The following KANSL1 variants were observed in gnomAD, a reference collection of about 807,000 sequenced individuals.
KANSL1 encodes KAT8 regulatory NSL complex subunit 1, also known as MLL1/MLL complex subunit KANSL1.
In KANSL1, 22 loss-of-function variants were observed where a neutral mutation model predicts 103.6. The ratio of observed to expected loss-of-function variants is 0.21; its 90% confidence interval spans 0.15 to 0.30. The LOEUF (loss-of-function observed/expected upper bound fraction) is 0.30, where lower values mean the gene tolerates loss of function less well. KANSL1 is among the 10% of genes least tolerant of loss of function. The pLI is 1.00. For synonymous variants in KANSL1, 600 were observed against 527.6 expected (o/e 1.14, Z -1.88); for missense variants, 1,337 against 1,399.8 (o/e 0.96, Z 0.72).
At chr17:46,183,194 G>A (rs1206242940) in intron 1 of KANSL1, among the ~76,000 whole-genome samples, 4 of 152,220 alleles carry the variant, frequency 2.6e-5, no homozygotes, top group African/African-American at 9.7e-5. Flanking sequence ...TCAGGAGGCA[G>A]GAGGATGGCT....
rs1369518617 is a variant in KANSL1, at chr17:46,031,245, TTC to T, written c.*229_*230del. 6.8e-6 allele frequency: 4 copies of T among 590,080 alleles called. No individual in the cohort carries two copies. Among genetic ancestry groups the T allele is most frequent in the East Asian group, 2.8e-5 (1 of 35,784 alleles). 36.6% of individuals were successfully genotyped at this position (590,080 alleles called of 1,614,324 possible). A position where few individuals can be genotyped will look rare whatever the true frequency, so the allele number is the denominator to read the frequency against. ...AGGCCAGCAGGGTCTCATCCTGAACTTCTGTTTGCCAACGGGAGGAAGTGCTC... is the reference window on the plus strand; with the variant it reads ...AGGCCAGCAGGGTCTCATCCTGAACTTGTTTGCCAACGGGAGGAAGTGCTC... On this transcript the variant is annotated 3_prime_UTR_variant, in exon 15 of 15. Coordinates refer to ENST00000432791, the MANE Select transcript of KANSL1 (RefSeq NM_015443.4).
At chr17:46,185,678 TACACACACATATATACACACACAC>T (rs2046988985) in intron 1 of KANSL1, among the ~76,000 whole-genome samples, 1 of 137,844 alleles carries the variant, frequency 7.3e-6, no homozygotes, top group African/African-American at 2.9e-5. Context: ...CACATATATA[TACACACACATATATACACACACAC>T]ACACACACAC....
upstream of KANSL1, chr17:46,196,249 A>T: frequency 2.2e-6 from 1 of 445,182 alleles, no homozygotes; most frequent in Non-Finnish European, 4.5e-6. Context: ...ATGAAAAGTG[A>T]TAAAAAAATA....
At chr17:46,105,948 C>CACACACACACACACACACACACACA (rs373189477) in intron 2 of KANSL1, among the ~76,000 whole-genome samples, 1 of 38,988 alleles carries the variant, frequency 2.6e-5, no homozygotes, top group African/African-American at 8.4e-5. Context: ...CACACACACA[C>CACACACACACACACACACACACACA]CCCCCCAGAA....
chr17:46,188,104 AC>A (rs958434925), intron 1 of KANSL1, among the ~76,000 whole-genome samples: 2 of 152,170 alleles, frequency 1.3e-5, no homozygotes, highest in Non-Finnish European at 1.5e-5. Context: ...AATAATAGTT[AC>A]CCCCTGCCAT....
At chr17:46,064,959 G>GT (rs908656441) in intron 6 of KANSL1, among the ~76,000 whole-genome samples, 33 of 151,218 alleles carry the variant, frequency 2.2e-4, no homozygotes, top group East Asian at 3.9e-4. Context: ...GTATACGTGT[G>GT]TTTTTTTTGT....
intron 2 of KANSL1, among the ~76,000 whole-genome samples, chr17:46,143,830 A>T (rs1022854588): frequency 7.0e-6 from 1 of 142,776 alleles, no homozygotes; most frequent in South Asian, 2.2e-4. Flanking sequence ...AAAAAAAAAG[A>T]AGTTGTTATC....
chr17:46,048,707 C>A (rs1192316413), intron 7 of KANSL1, among the ~76,000 whole-genome samples: 1 of 152,158 alleles, frequency 6.6e-6, no homozygotes, highest in African/African-American at 2.4e-5. Flanking sequence ...TGGCTTCCAT[C>A]TAGAATAGTG....
At chr17:46,203,157 A>G (rs2668660) in intron 1 of KANSL1, among the ~76,000 whole-genome samples, 21,954 of 152,118 alleles carry the variant, frequency 0.14, 2,138 homozygotes, top group Non-Finnish European at 0.22. Context: ...GCTTGAACCC[A>G]GCGGGAGGTA....
At chr17:46,050,285 G>C in intron 7 of KANSL1, 1 of 532,990 alleles carries the variant, frequency 1.9e-6, no homozygotes. Flanking sequence ...AGGCAACTGA[G>C]CCCAGATCCC....
chr17:46,165,090 G>A (rs1160861698), intron 2 of KANSL1, among the ~76,000 whole-genome samples: 1 of 152,176 alleles, frequency 6.6e-6, no homozygotes, highest in Non-Finnish European at 1.5e-5. Context: ...CTGAGTGACA[G>A]AACAAGACTC....
intron 6 of KANSL1, among the ~76,000 whole-genome samples, chr17:46,055,293 G>A (rs11652003): frequency 0.16 from 23,583 of 151,574 alleles, 2,640 homozygotes; most frequent in East Asian, 0.42. Context: ...GTGAAACCTC[G>A]TCTCTACTAA....
intron 11 of KANSL1, 192 bp from the exon 12 acceptor site, chr17:46,033,652 G>T: frequency 4.8e-6 from 3 of 622,294 alleles, no homozygotes; most frequent in Non-Finnish European, 5.8e-6. Flanking sequence ...CTACTCAAAT[G>T]CCCAAGAAGG....
At chr17:46,092,714 T>TTTG (rs2079449088) in intron 3 of KANSL1, among the ~76,000 whole-genome samples, 1 of 33,106 alleles carries the variant, frequency 3.0e-5, no homozygotes, top group African/African-American at 1.2e-4. Flanking sequence ...TTTTTTTTTT[T>TTTG]TGGGGGGGGG....
chr17:46,210,276 C>T (rs1029331743), intron 1 of KANSL1, among the ~76,000 whole-genome samples: 2 of 152,086 alleles, frequency 1.3e-5, no homozygotes, highest in Admixed American at 6.5e-5. Context: ...AGATCGAGAC[C>T]ATCCTAGCCA....
intron 2 of KANSL1, among the ~76,000 whole-genome samples, chr17:46,131,113 A>C (rs762618388): frequency 6.6e-6 from 1 of 152,198 alleles, no homozygotes; most frequent in Non-Finnish European, 1.5e-5. Flanking sequence ...TCTTATTTTT[A>C]AATATCAGAG....
chr17:46,033,297 T>C (rs1445960404), intron 12 of KANSL1, 105 bp from the exon 13 acceptor site: 2 of 1,436,434 alleles, frequency 1.4e-6, no homozygotes, highest in African/African-American at 2.8e-5. Context: ...ACAAGGAGCT[T>C]GCACTTCACA....
chr17:46,076,886 G>A (rs539031343), intron 4 of KANSL1, among the ~76,000 whole-genome samples: 3 of 152,174 alleles, frequency 2.0e-5, no homozygotes, highest in South Asian at 2.1e-4. Context: ...TATTGACCCC[G>A]TACCTGGAGA....
At chr17:46,053,684 C>G (rs749911422) in intron 6 of KANSL1, among the ~76,000 whole-genome samples, 1 of 152,146 alleles carries the variant, frequency 6.6e-6, no homozygotes, top group Non-Finnish European at 1.5e-5. Flanking sequence ...ATCTGCCCGC[C>G]TCGGCCTCCC....
Sources: gnomAD v4.1 joint callset for allele counts (sites outside exome capture counted in the v4.1 genomes callset) on GRCh38, gnomAD v4.1.1 for gene constraint, MANE v1.5 for transcripts, NCBI Gene and HGNC (gene_info 2026-07-23, HGNC 2026-07-21) for gene names.